DCAF6: variants seen among roughly 807,000 people sequenced by gnomAD.
DCAF6 encodes DDB1 and CUL4 associated factor 6.
A neutral mutation model predicts 125.1 loss-of-function variants in DCAF6; 54 were observed. That is an observed-to-expected ratio of 0.43 (90% CI 0.35 to 0.54). The LOEUF (loss-of-function observed/expected upper bound fraction) is 0.54, where lower values mean the gene tolerates loss of function less well. Among genes scored for constraint, DCAF6 ranks in the 20% least tolerant of loss-of-function variants. DCAF6 has a pLI of 0.01. For synonymous variants in DCAF6, 371 were observed against 390.4 expected, an observed-to-expected ratio of 0.95 and a Z score of 0.58; for missense variants, 934 against 1,161.7, an observed-to-expected ratio of 0.80 and a Z score of 2.85.
At chr1:168,029,979 C>CA (rs34555735) in intron 12 of DCAF6, among the ~76,000 whole-genome samples, 36,164 of 121,528 alleles carry the variant, frequency 0.3, 4,733 homozygotes, top group Admixed American at 0.44. Flanking sequence ...GACTCCGTCT[C>CA]AAAAAAAAAA....
At chr1:167,953,116 T>C (rs969521794) in intron 2 of DCAF6, among the ~76,000 whole-genome samples, 1 of 152,222 alleles carries the variant, frequency 6.6e-6, no homozygotes, top group Non-Finnish European at 1.5e-5. Context: ...GTTTTTTCGG[T>C]ATTAATCTAA....
chr1:168,050,198 C>T (rs1689737057), intron 16 of DCAF6, among the ~76,000 whole-genome samples: 1 of 151,858 alleles, frequency 6.6e-6, no homozygotes. Context: ...CCTATATTGC[C>T]CTTTAATAAC....
At chr1:167,872,042 A>G in the DCAF6 span, among the ~76,000 whole-genome samples, 1 of 152,050 alleles carries the variant, frequency 6.6e-6, no homozygotes, top group East Asian at 1.9e-4. Context: ...AAATAAATAA[A>G]AAATAATAAA....
At chr1:168,018,676 A>G (rs1356213127) in intron 11 of DCAF6, among the ~76,000 whole-genome samples, 1 of 152,248 alleles carries the variant, frequency 6.6e-6, no homozygotes, top group Non-Finnish European at 1.5e-5. Flanking sequence ...TTTTAAAAGT[A>G]TATCTTTTCT....
Position 168,063,766 on chromosome 1 carries a change from A to G in DCAF6, c.2439+7A>G. The G allele has an allele frequency of 3.1e-6, 5 of 1,594,550 alleles. No homozygotes were observed. The highest frequency in any genetic ancestry group is 4.3e-6 in the Non-Finnish European group (5 of 1,173,602). On this transcript the variant is annotated splice_region_variant and intron_variant, in intron 18 of 21. Transcript: ENST00000367840. ...TCGCAACTCCAGGACAATGGTACCAAATGTTCATGGCATTTTTTGGTGAAA... is the reference window on the plus strand; with the variant it reads ...TCGCAACTCCAGGACAATGGTACCAGATGTTCATGGCATTTTTTGGTGAAA...
chr1:168,033,442 A>G (rs958771376), intron 12 of DCAF6, among the ~76,000 whole-genome samples: 2 of 151,300 alleles, frequency 1.3e-5, no homozygotes, highest in Non-Finnish European at 1.5e-5. Flanking sequence ...CAGCCTCCCG[A>G]GTAGCTGGGA....
the DCAF6 span, among the ~76,000 whole-genome samples, chr1:167,918,667 C>T: frequency 2.1e-5 from 3 of 142,510 alleles, no homozygotes; most frequent in Admixed American, 7.0e-5. Context: ...GATCTCGGCT[C>T]GCTGCAAGCT....
chr1:167,948,589 C>T lies in DCAF6; in HGVS notation c.98-3211C>T, dbSNP rs58065965. 3.9e-5 allele frequency among the ~76,000 whole-genome samples: 6 copies of T among 152,274 alleles called. No individual in the cohort carries two copies. The East Asian group carries it at 1.2e-3, about 29-fold the overall frequency. ...TTTATTTAATGGTTTAATGATTACA[C>T]AACCATTAAAAATGAGCAATAGCTG... On this transcript the variant is annotated intron_variant, in intron 1 of 21. Transcript: ENST00000367840.
chr1:167,940,646 G>A (rs1196830496), intron 1 of DCAF6, among the ~76,000 whole-genome samples: 3 of 152,084 alleles, frequency 2.0e-5, no homozygotes, highest in Non-Finnish European at 4.4e-5. Context: ...TAGCCACACA[G>A]ATTTTATTAT....
intron 7 of DCAF6, among the ~76,000 whole-genome samples, chr1:168,000,708 T>C (rs1328420350): frequency 1.3e-5 from 2 of 152,148 alleles, no homozygotes; most frequent in Non-Finnish European, 2.9e-5. Flanking sequence ...TGAATAAACC[T>C]TGAAAACATA....
At chr1:167,905,599 T>TAAA in the DCAF6 span, among the ~76,000 whole-genome samples, 726 of 145,882 alleles carry the variant, frequency 5.0e-3, 5 homozygotes, top group African/African-American at 0.017. Flanking sequence ...TTTCTCTCTT[T>TAAA]AAAAAAAAAA....
intron 16 of DCAF6, among the ~76,000 whole-genome samples, chr1:168,046,572 A>G (rs1427309900): frequency 2.0e-5 from 3 of 152,132 alleles, no homozygotes; most frequent in Non-Finnish European, 4.4e-5. Flanking sequence ...AGATTAATCA[A>G]ACATCTTCTC....
the DCAF6 span, among the ~76,000 whole-genome samples, chr1:167,922,416 T>C: frequency 6.6e-6 from 1 of 152,130 alleles, no homozygotes; most frequent in African/African-American, 2.4e-5. Flanking sequence ...CCTAAATTTA[T>C]TGTGAATAGA....
At chr1:167,980,735 T>G (rs1678976540) in intron 4 of DCAF6, among the ~76,000 whole-genome samples, 1 of 152,094 alleles carries the variant, frequency 6.6e-6, no homozygotes, top group South Asian at 2.1e-4. Flanking sequence ...ATTCCAAATA[T>G]TAACCCTTTT....
At chr1:168,009,155 T>C (rs1683812785) in intron 10 of DCAF6, among the ~76,000 whole-genome samples, 1 of 151,202 alleles carries the variant, frequency 6.6e-6, no homozygotes, top group Non-Finnish European at 1.5e-5. Flanking sequence ...CCTGCCACCA[T>C]GCCCGGCTAA....
intron 12 of DCAF6, among the ~76,000 whole-genome samples, chr1:168,026,706 ATG>A (rs1401900975): frequency 1.3e-5 from 2 of 151,972 alleles, no homozygotes; most frequent in Non-Finnish European, 2.9e-5. Flanking sequence ...AGAAGAAAGT[ATG>A]TGAGTTTTTT....
chr1:167,986,484 A>T (rs1192664864), intron 4 of DCAF6, among the ~76,000 whole-genome samples: 1 of 152,176 alleles, frequency 6.6e-6, no homozygotes, highest in Non-Finnish European at 1.5e-5. Context: ...CAAACATAGG[A>T]ATATTGTATA....
intron 13 of DCAF6, among the ~76,000 whole-genome samples, chr1:168,039,736 A>G (rs1688273917): frequency 1.3e-5 from 2 of 148,434 alleles, no homozygotes; most frequent in Admixed American, 6.8e-5. Context: ...ATCTGTTACT[A>G]TAATATATGT....
chr1:168,034,358 T>TA (rs1362193803), intron 12 of DCAF6, among the ~76,000 whole-genome samples: 1 of 151,630 alleles, frequency 6.6e-6, no homozygotes, highest in Non-Finnish European at 1.5e-5. Context: ...CTAGAAAAAA[T>TA]AAAGAAGTTG....
Sources: allele counts gnomAD v4.1 joint callset (sites outside exome capture counted in the v4.1 genomes callset), GRCh38; gene constraint gnomAD v4.1.1; transcripts MANE v1.5; gene names NCBI Gene and HGNC (gene_info 2026-07-23, HGNC 2026-07-21).